Variants in RYR2 observed in about 807,000 individuals in gnomAD.
RYR2 encodes the protein ryanodine receptor 2, also known as cardiac muscle ryanodine receptor-calcium release channel.
In RYR2, 227 loss-of-function variants were observed where a neutral mutation model predicts 601.1. The ratio of observed to expected loss-of-function variants is 0.38; its 90% confidence interval spans 0.34 to 0.42. The LOEUF (loss-of-function observed/expected upper bound fraction) is 0.42, where lower values mean the gene tolerates loss of function less well. Among genes scored for constraint, RYR2 ranks in the 10% least tolerant of loss-of-function variants. RYR2 has a pLI of 1.00. For synonymous variants in RYR2, 2,223 were observed against 2,175.1 expected (o/e 1.02, Z -0.61); for missense variants, 4,646 against 6,156.5 (o/e 0.75, Z 8.21).
At chr1:237,161,826 C>T (rs1292139547) in intron 1 of RYR2, among the ~76,000 whole-genome samples, 1 of 152,034 alleles carries the variant, frequency 6.6e-6, no homozygotes, top group Non-Finnish European at 1.5e-5. Context: ...AACAATAAAG[C>T]AAAATATTGA....
intron 7 of RYR2, among the ~76,000 whole-genome samples, chr1:237,375,739 C>T (rs962511027): frequency 6.6e-6 from 1 of 152,080 alleles, no homozygotes; most frequent in African/African-American, 2.4e-5. Flanking sequence ...CTCTATCATT[C>T]CTCTGTATTT....
At chr1:237,455,804 C>T (rs558719192) in intron 15 of RYR2, among the ~76,000 whole-genome samples, 7 of 152,256 alleles carry the variant, frequency 4.6e-5, no homozygotes, top group Admixed American at 2.6e-4. Context: ...CCAATAATAA[C>T]GTGGACTAGT....
intron 1 of RYR2, among the ~76,000 whole-genome samples, chr1:237,094,966 C>G (rs546076744): frequency 6.6e-6 from 1 of 152,298 alleles, no homozygotes; most frequent in East Asian, 1.9e-4. Flanking sequence ...TTGCCCTGTG[C>G]TAAACATAGT....
At chr1:237,440,816 A>G (rs1408499240) in intron 12 of RYR2, among the ~76,000 whole-genome samples, 1 of 151,412 alleles carries the variant, frequency 6.6e-6, no homozygotes, top group East Asian at 1.9e-4. Context: ...ATCTACATGC[A>G]TTATCTTAAT....
At chr1:237,204,503 C>CAAAAAAAAAAAAAAAAA (rs67002856) in intron 1 of RYR2, among the ~76,000 whole-genome samples, 2 of 106,550 alleles carry the variant, frequency 1.9e-5, no homozygotes, top group African/African-American at 3.0e-5. Context: ...AAAACAAAAA[C>CAAAAAAAAAAAAAAAAA]AAAAAAAAAA....
chr1:237,408,815 A>C (rs1704162031), intron 10 of RYR2, among the ~76,000 whole-genome samples: 1 of 152,218 alleles, frequency 6.6e-6, no homozygotes, highest in African/African-American at 2.4e-5. Flanking sequence ...ATGAACATGG[A>C]ATAGCTCTCA....
At chr1:237,758,456 AT>A (rs1489060725) in intron 82 of RYR2, among the ~76,000 whole-genome samples, 1 of 152,036 alleles carries the variant, frequency 6.6e-6, no homozygotes, top group Non-Finnish European at 1.5e-5. Context: ...CCCCCCGTAA[AT>A]GGCTATATGG....
chr1:237,196,052 A>G (rs1176575374), intron 1 of RYR2, among the ~76,000 whole-genome samples: 1 of 152,212 alleles, frequency 6.6e-6, no homozygotes, highest in Non-Finnish European at 1.5e-5. Flanking sequence ...CCTTTTAAGG[A>G]CATCGTAGCA....
chr1:237,319,797 A>G (rs553145785), intron 2 of RYR2, among the ~76,000 whole-genome samples: 185 of 152,320 alleles, frequency 1.2e-3, no homozygotes, highest in Non-Finnish European at 2.4e-3. Context: ...TTTCTTGTGC[A>G]TGTGCAACTT....
Position 237,717,296 on chromosome 1 carries a change from G to A in RYR2, c.10422G>A (p.Leu3474=), listed in dbSNP as rs752829818. Residue 3474 remains leucine, a synonymous_variant, in exon 72 of 105, where the codon CTG becomes CTA. Transcript: ENST00000366574. The part of the protein sequence containing the change: ...SLIVAALKRL[L]PIGLNICAPG... ...TTGTAGCAGCTCTGAAGCGGTTACT[G>A]CCCATTGGGTTGAACATCTGTGCCC... 5 of 1,613,328 alleles carry A rather than the reference G, an allele frequency of 3.1e-6. No individual in the cohort carries two copies. In the South Asian group the frequency reaches 4.4e-5, roughly 14 times the overall value.
Position 237,651,438 on chromosome 1 carries a change from CT to C in RYR2, c.7763del (p.Leu2588TyrfsTer5). On this transcript the variant is annotated frameshift_variant, in exon 51 of 105. Coordinates refer to ENST00000366574, the MANE Select transcript of RYR2 (RefSeq NM_001035.3). LOFTEE classifies it high-confidence loss of function. The stretch of plus-strand genomic sequence containing the variant: ...AACTGAGACCTTCTATGATGCAGCA[CT>C]TACTCAGAAGATTAGTATTTGATGT... ...GQLRPSMMQH[L>X]LRRLVFDVPL... The C allele has an allele frequency of 6.3e-7, 1 of 1,596,716 alleles. No individual in the cohort carries two copies. Among genetic ancestry groups the C allele is most frequent in the South Asian group, 1.1e-5 (1 of 87,524 alleles).
intron 95 of RYR2, among the ~76,000 whole-genome samples, chr1:237,794,392 A>T (rs186471556): frequency 6.6e-6 from 1 of 152,214 alleles, no homozygotes; most frequent in Non-Finnish European, 1.5e-5. Context: ...TGAATTTTAC[A>T]CCTTGAATAT....
intron 84 of RYR2, among the ~76,000 whole-genome samples, 180 bp downstream of exon 84, chr1:237,761,208 C>T (rs867386681): frequency 2.6e-5 from 4 of 152,174 alleles, no homozygotes; most frequent in Non-Finnish European, 4.4e-5. Flanking sequence ...CAACCTTCCA[C>T]GCCGGTCATT....
At chr1:237,534,614 A>G (rs1668426255) in intron 25 of RYR2, among the ~76,000 whole-genome samples, 1 of 151,996 alleles carries the variant, frequency 6.6e-6, no homozygotes, top group South Asian at 2.1e-4. Flanking sequence ...TTAGACATTT[A>G]AAAATATACT....
intron 13 of RYR2, 31 bp downstream of exon 13, chr1:237,441,514 G>T (rs1707901992): frequency 6.2e-6 from 9 of 1,441,358 alleles, no homozygotes; most frequent in Non-Finnish European, 7.3e-6. Flanking sequence ...ATAATTTATA[G>T]AAGTAATTTT....
chr1:237,504,399 C>A (rs1248853399), intron 22 of RYR2, among the ~76,000 whole-genome samples: 1 of 152,098 alleles, frequency 6.6e-6, no homozygotes. Context: ...TTACAAAGAA[C>A]CTTCTTAAGG....
At chr1:237,647,014 C>T (rs1682234947) in intron 48 of RYR2, among the ~76,000 whole-genome samples, 1 of 152,180 alleles carries the variant, frequency 6.6e-6, no homozygotes, top group Admixed American at 6.5e-5. Context: ...AGAGCAGGAT[C>T]GGTGAGCTTC....
intron 60 of RYR2, 72 bp downstream of exon 60, chr1:237,674,918 A>C (rs931670699): frequency 7.3e-5 from 58 of 794,038 alleles, no homozygotes; most frequent in South Asian, 5.3e-4. Flanking sequence ...CAGGATATAG[A>C]ACAACACAGG....
chr1:237,811,868 G>T (rs1661292968), intron 100 of RYR2, among the ~76,000 whole-genome samples: 1 of 152,156 alleles, frequency 6.6e-6, no homozygotes, highest in African/African-American at 2.4e-5. Flanking sequence ...GACCTACTTG[G>T]AGGACACGGA....
Sources: allele counts gnomAD v4.1 joint callset (sites outside exome capture counted in the v4.1 genomes callset), GRCh38; gene constraint gnomAD v4.1.1; transcripts MANE v1.5; gene names NCBI Gene and HGNC (gene_info 2026-07-23, HGNC 2026-07-21).